CORO2B: variants seen among roughly 807,000 people sequenced by gnomAD.
CORO2B encodes the protein coronin 2B.
A neutral mutation model predicts 58.8 loss-of-function variants in CORO2B; 26 were observed. That is an observed-to-expected ratio of 0.44 (90% CI 0.32 to 0.61). CORO2B has a LOEUF of 0.61. CORO2B is among the 20% of genes least tolerant of loss of function. CORO2B has a pLI of 0.04. For synonymous variants in CORO2B, 242 were observed against 253.8 expected (o/e 0.95, Z 0.44); for missense variants, 460 against 645.1 (o/e 0.71, Z 3.11).
chr15:68,533,329 G>A, the CORO2B span, among the ~76,000 whole-genome samples: 2 of 152,170 alleles, frequency 1.3e-5, no homozygotes, highest in Non-Finnish European at 2.9e-5. Flanking sequence ...ACCAGAAGTG[G>A]AAATCTTGTG....
At chr15:68,551,699 C>T in the CORO2B span, among the ~76,000 whole-genome samples, 1 of 152,184 alleles carries the variant, frequency 6.6e-6, no homozygotes, top group Non-Finnish European at 1.5e-5. Context: ...GGCCTGGCGC[C>T]TTCTATCCTT....
At chr15:68,520,871 C>A in the CORO2B span, among the ~76,000 whole-genome samples, 1 of 152,086 alleles carries the variant, frequency 6.6e-6, no homozygotes, top group Non-Finnish European at 1.5e-5. Context: ...CATGGCAAAA[C>A]CCCATCTCCA....
At chr15:68,598,160 A>G (rs34058839) in intron 1 of CORO2B, among the ~76,000 whole-genome samples, 132 of 152,330 alleles carry the variant, frequency 8.7e-4, no homozygotes, top group Non-Finnish European at 1.5e-3. Flanking sequence ...ATCGGATCCC[A>G]GAGGCTGAAG....
At chr15:68,556,496 G>A in the CORO2B span, among the ~76,000 whole-genome samples, 1 of 152,172 alleles carries the variant, frequency 6.6e-6, no homozygotes, top group Non-Finnish European at 1.5e-5. Flanking sequence ...AGGTCCTTCA[G>A]TGCAAGGCTG....
chr15:68,614,322 G>A (rs746349588), intron 1 of CORO2B, among the ~76,000 whole-genome samples: 10 of 152,198 alleles, frequency 6.6e-5, no homozygotes, highest in Non-Finnish European at 1.3e-4. Flanking sequence ...GCAAAAGGAA[G>A]GTGCCGTATT....
rs1464771455 is a variant in CORO2B, at chr15:68,695,176, G to A, written c.253G>A (p.Gly85Ser). The A allele has an allele frequency of 1.2e-6, 2 of 1,613,640 alleles. No individual in the cohort carries two copies. The highest frequency in any genetic ancestry group is 1.7e-6 in the Non-Finnish European group (2 of 1,179,898). ...RIEPNYPKVCGHQGNVLDIKW... is the reference protein window; with the variant it reads ...RIEPNYPKVCSHQGNVLDIKW... Reference sequence around the variant, plus strand: ...TGAACCCAACTACCCCAAGGTCTGCGGCCACCAGGGCAATGTGCTGGATAT... The same window carrying A: ...TGAACCCAACTACCCCAAGGTCTGCAGCCACCAGGGCAATGTGCTGGATAT... Residue 85 changes from glycine (G) to serine (S), a missense_variant, in exon 3 of 12, where the codon GGC becomes AGC. By Grantham distance (56) the Gly-to-Ser change is moderately conservative. Coordinates refer to ENST00000261861, the MANE Select transcript of CORO2B (RefSeq NM_006091.5).
At chr15:68,664,637 A>G (rs965139545) in intron 2 of CORO2B, among the ~76,000 whole-genome samples, 1 of 151,796 alleles carries the variant, frequency 6.6e-6, no homozygotes, top group Non-Finnish European at 1.5e-5. Flanking sequence ...ACAGAGCGAG[A>G]CTCTGTCTCA....
At chr15:68,543,489 G>T in the CORO2B span, among the ~76,000 whole-genome samples, 5 of 152,070 alleles carry the variant, frequency 3.3e-5, no homozygotes, top group African/African-American at 4.8e-5. Flanking sequence ...AGAGCATGGG[G>T]GCTGGTGGAT....
At chr15:68,723,410 C>T (rs1413880409) in intron 11 of CORO2B, among the ~76,000 whole-genome samples, 1 of 151,722 alleles carries the variant, frequency 6.6e-6, no homozygotes, top group Non-Finnish European at 1.5e-5. Context: ...GTGTGAGCCA[C>T]GGCGCCCAGC....
intron 1 of CORO2B, chr15:68,616,657 G>A: frequency 1.0e-6 from 1 of 972,146 alleles, no homozygotes; most frequent in Non-Finnish European, 1.2e-6. Flanking sequence ...GCGCAAGCAG[G>A]CAATCCCATG....
At chr15:68,680,636 T>C (rs149196691) in intron 2 of CORO2B, among the ~76,000 whole-genome samples, 54 of 152,272 alleles carry the variant, frequency 3.5e-4, no homozygotes, top group African/African-American at 1.2e-3. Context: ...ACACTGGGGT[T>C]ATAGCAGAGG....
upstream of CORO2B, among the ~76,000 whole-genome samples, chr15:68,574,946 G>C (rs1899251664): frequency 1.3e-5 from 2 of 152,130 alleles, no homozygotes; most frequent in Admixed American, 6.5e-5. Flanking sequence ...GTCTAGAAGA[G>C]ACCAGAACTA....
chr15:68,690,863 C>G (rs1892341732), intron 2 of CORO2B, among the ~76,000 whole-genome samples: 1 of 151,700 alleles, frequency 6.6e-6, no homozygotes, highest in African/African-American at 2.4e-5. Flanking sequence ...CCATGTTTCC[C>G]AGGCTGGTCT....
the CORO2B span, among the ~76,000 whole-genome samples, chr15:68,543,360 G>C: frequency 2.6e-5 from 4 of 152,014 alleles, no homozygotes; most frequent in African/African-American, 9.7e-5. Flanking sequence ...CTCTCTCCTG[G>C]ACCAAAGCCT....
chr15:68,538,237 TG>T, the CORO2B span, among the ~76,000 whole-genome samples: 1 of 152,208 alleles, frequency 6.6e-6, no homozygotes, highest in Non-Finnish European at 1.5e-5. Context: ...CTGAGATTCC[TG>T]GTGTGTGTGG....
chr15:68,699,028 T>G (rs16952398), intron 3 of CORO2B, among the ~76,000 whole-genome samples: 4,479 of 151,988 alleles, frequency 0.029, 227 homozygotes, highest in African/African-American at 0.099. Flanking sequence ...AAGCAGGACA[T>G]TGACAGACAG....
intron 1 of CORO2B, among the ~76,000 whole-genome samples, chr15:68,622,343 C>G (rs1900549931): frequency 6.6e-6 from 1 of 152,118 alleles, no homozygotes; most frequent in Non-Finnish European, 1.5e-5. Context: ...TTGTACATTC[C>G]CTTGAGCGTG....
At chr15:68,586,092 C>T (rs1899549895) in intron 1 of CORO2B, among the ~76,000 whole-genome samples, 2 of 152,208 alleles carry the variant, frequency 1.3e-5, no homozygotes, top group African/African-American at 4.8e-5. Context: ...CTGTCATTTA[C>T]TTGCTGTGTA....
chr15:68,664,750 T>C (rs1249569897), intron 2 of CORO2B, among the ~76,000 whole-genome samples: 1 of 152,222 alleles, frequency 6.6e-6, no homozygotes, highest in Non-Finnish European at 1.5e-5. Flanking sequence ...GTAGTTTCAA[T>C]TAACATTTTT....
Sources: allele counts gnomAD v4.1 joint callset (sites outside exome capture counted in the v4.1 genomes callset), GRCh38; gene constraint gnomAD v4.1.1; transcripts MANE v1.5; gene names NCBI Gene and HGNC (gene_info 2026-07-23, HGNC 2026-07-21).